The following CDKAL1 variants were observed in gnomAD, a reference collection of about 807,000 sequenced individuals.
The protein encoded by CDKAL1 is CDKAL1 threonylcarbamoyladenosine tRNA methylthiotransferase.
CDKAL1 carries 32 observed loss-of-function variants against 68.2 expected under a neutral mutation model. The observed-to-expected ratio is 0.47, with a 90% confidence interval of 0.35 to 0.63. CDKAL1 has a LOEUF of 0.63. Among genes scored for constraint, CDKAL1 ranks in the 30% least tolerant of loss-of-function variants. The pLI, the probability that CDKAL1 is intolerant of heterozygous loss-of-function variation, is 0.00. For synonymous variants in CDKAL1, 234 were observed against 244.3 expected (o/e 0.96, Z 0.39); for missense variants, 606 against 696.7 (o/e 0.87, Z 1.47).
intron 12 of CDKAL1, among the ~76,000 whole-genome samples, chr6:21,090,744 CATATGT>C (rs934533662): frequency 6.6e-6 from 1 of 151,434 alleles, no homozygotes; most frequent in African/African-American, 2.4e-5. Flanking sequence ...TCATGAATGT[CATATGT>C]GTATGTGTGA....
At chr6:20,591,047 T>C (rs1271510488) in intron 4 of CDKAL1, among the ~76,000 whole-genome samples, 1 of 152,234 alleles carries the variant, frequency 6.6e-6, no homozygotes, top group Non-Finnish European at 1.5e-5. Flanking sequence ...ATGATCGCCA[T>C]TCTAACTGGC....
intron 10 of CDKAL1, among the ~76,000 whole-genome samples, chr6:20,972,215 A>T (rs929014619): frequency 5.3e-5 from 8 of 152,304 alleles, no homozygotes; most frequent in South Asian, 4.1e-4. Flanking sequence ...ATATCACAAG[A>T]TCTCTCTATT....
intron 4 of CDKAL1, among the ~76,000 whole-genome samples, chr6:20,575,408 G>A (rs1262892367): frequency 8.3e-6 from 1 of 119,854 alleles, no homozygotes; most frequent in Non-Finnish European, 1.6e-5. Context: ...TTGTCAGTGT[G>A]ATAAGGGATA....
intron 12 of CDKAL1, among the ~76,000 whole-genome samples, chr6:21,098,574 G>A (rs1322348937): frequency 1.5e-5 from 2 of 129,656 alleles, no homozygotes; most frequent in Non-Finnish European, 3.1e-5. Context: ...TCACCCATGT[G>A]CAAGGCATTT....
chr6:21,122,510 ACTTTG>A (rs1281590045), intron 13 of CDKAL1, among the ~76,000 whole-genome samples: 7 of 152,118 alleles, frequency 4.6e-5, no homozygotes, highest in Non-Finnish European at 8.8e-5. Context: ...GGCTTTATAG[ACTTTG>A]CTTTGGTTAG....
At chr6:20,982,063 A>G (rs936344118) in intron 10 of CDKAL1, among the ~76,000 whole-genome samples, 1 of 145,590 alleles carries the variant, frequency 6.9e-6, no homozygotes, top group African/African-American at 2.8e-5. Context: ...TTATTTATTT[A>G]TTTATTTATT....
chr6:21,049,229 A>T (rs1039123731), intron 11 of CDKAL1, among the ~76,000 whole-genome samples: 1 of 152,156 alleles, frequency 6.6e-6, no homozygotes, highest in African/African-American at 2.4e-5. Flanking sequence ...AAGAATTCTA[A>T]TTACTTTAGT....
intron 9 of CDKAL1, among the ~76,000 whole-genome samples, chr6:20,929,092 CT>C (rs1181939958): frequency 6.6e-6 from 1 of 152,160 alleles, no homozygotes; most frequent in Admixed American, 6.5e-5. Context: ...GAAGTGTAGC[CT>C]TTCCTTCTTC....
chr6:20,721,136 G>A (rs897387657), intron 5 of CDKAL1, among the ~76,000 whole-genome samples: 2 of 102,356 alleles, frequency 2.0e-5, no homozygotes, highest in Admixed American at 1.4e-4. Context: ...AACAGGCCCC[G>A]GTGTGTGGTG....
intron 11 of CDKAL1, among the ~76,000 whole-genome samples, chr6:21,011,353 C>T (rs1231211490): frequency 1.3e-5 from 2 of 151,924 alleles, no homozygotes; most frequent in African/African-American, 2.4e-5. Flanking sequence ...CACTGCACTC[C>T]AGCCTGGGTA....
intron 4 of CDKAL1, among the ~76,000 whole-genome samples, chr6:20,569,692 C>G (rs1764617650): frequency 6.6e-6 from 1 of 152,196 alleles, no homozygotes; most frequent in South Asian, 2.1e-4. Context: ...GGAGTTCTCT[C>G]CCTACCCCTG....
At chr6:20,902,119 T>A (rs1268176421) in intron 9 of CDKAL1, among the ~76,000 whole-genome samples, 1 of 152,202 alleles carries the variant, frequency 6.6e-6, no homozygotes, top group Non-Finnish European at 1.5e-5. Context: ...ACTGTCTTTG[T>A]AAATGACCAA....
intron 10 of CDKAL1, among the ~76,000 whole-genome samples, chr6:20,996,960 C>T (rs1251514339): frequency 2.0e-5 from 3 of 152,158 alleles, no homozygotes; most frequent in Non-Finnish European, 1.5e-5. Flanking sequence ...TTTACCTGGT[C>T]GAGCCAAACT....
intron 9 of CDKAL1, among the ~76,000 whole-genome samples, chr6:20,947,395 AG>A (rs1221448638): frequency 2.0e-5 from 3 of 152,174 alleles, no homozygotes; most frequent in Non-Finnish European, 4.4e-5. Context: ...ATTTGAGACC[AG>A]CCTGGGCAAC....
chr6:20,669,415 A>G (rs1769704852), intron 5 of CDKAL1, among the ~76,000 whole-genome samples: 1 of 152,046 alleles, frequency 6.6e-6, no homozygotes, highest in Non-Finnish European at 1.5e-5. Flanking sequence ...ATTTTTTGAG[A>G]CATAATCCGT....
intron 11 of CDKAL1, among the ~76,000 whole-genome samples, chr6:21,009,582 T>A (rs911375898): frequency 1.3e-5 from 2 of 152,142 alleles, no homozygotes; most frequent in Admixed American, 1.3e-4. Flanking sequence ...CTATGCCCAA[T>A]AGCCAAGATA....
chr6:20,733,126 G>T (rs1359039993), intron 5 of CDKAL1, among the ~76,000 whole-genome samples: 1 of 152,130 alleles, frequency 6.6e-6, no homozygotes, highest in East Asian at 1.9e-4. Flanking sequence ...ATGGAGTCAT[G>T]CTTTCAGGGA....
chr6:20,961,635 C>T (rs1355873401), intron 10 of CDKAL1, among the ~76,000 whole-genome samples: 1 of 151,838 alleles, frequency 6.6e-6, no homozygotes, highest in Non-Finnish European at 1.5e-5. Flanking sequence ...GGTGTGGTGG[C>T]GGGTGCCTGT....
chr6:20,653,613 G>A (rs1242578637), intron 5 of CDKAL1, among the ~76,000 whole-genome samples: 5 of 144,912 alleles, frequency 3.5e-5, no homozygotes, highest in African/African-American at 5.3e-5. Context: ...CACCACACCC[G>A]GCTAATTTTT....
Sources: gnomAD v4.1 joint callset for allele counts (sites outside exome capture counted in the v4.1 genomes callset) on GRCh38, gnomAD v4.1.1 for gene constraint, MANE v1.5 for transcripts, NCBI Gene and HGNC (gene_info 2026-07-23, HGNC 2026-07-21) for gene names.